The following TMEM232 variants were observed in gnomAD, a reference collection of about 807,000 sequenced individuals.
TMEM232 encodes transmembrane protein 232.
In TMEM232, 80 loss-of-function variants were observed where a neutral mutation model predicts 78.8. That is an observed-to-expected ratio of 1.01 (90% CI 0.85 to 1.22). TMEM232 has a LOEUF of 1.22. Among genes scored for constraint, TMEM232 ranks in the 50% most tolerant of loss-of-function variants. The pLI is 0.00. For missense variants in TMEM232, 881 were observed against 742.2 expected, an observed-to-expected ratio of 1.19 and a Z score of -2.17; for synonymous variants, 297 against 254.3, an observed-to-expected ratio of 1.17 and a Z score of -1.60.
intron 12 of TMEM232, among the ~76,000 whole-genome samples, chr5:110,453,904 C>T (rs555476956): frequency 6.7e-6 from 1 of 149,486 alleles, no homozygotes; most frequent in Non-Finnish European, 1.5e-5. Context: ...ATTACCAGGG[C>T]TAAAAAAGAA....
chr5:110,660,814 G>A (rs1789679134), intron 2 of TMEM232, among the ~76,000 whole-genome samples: 1 of 151,986 alleles, frequency 6.6e-6, no homozygotes, highest in African/African-American at 2.4e-5. Flanking sequence ...ATCACCTCAA[G>A]CATTTATCAT....
chr5:110,649,997 T>C (rs775506537), intron 2 of TMEM232, among the ~76,000 whole-genome samples: 7 of 152,066 alleles, frequency 4.6e-5, no homozygotes, highest in Non-Finnish European at 1.0e-4. Flanking sequence ...TGAGTTGCTT[T>C]GAAAGTTAAA....
chr5:110,507,229 T>C (rs1159714347), intron 12 of TMEM232, among the ~76,000 whole-genome samples: 1 of 152,120 alleles, frequency 6.6e-6, no homozygotes, highest in Non-Finnish European at 1.5e-5. Context: ...TTGTGTGACT[T>C]TTTAATTCTT....
intron 2 of TMEM232, among the ~76,000 whole-genome samples, chr5:110,408,835 C>T (rs1755888314): frequency 6.6e-6 from 1 of 151,944 alleles, no homozygotes; most frequent in Non-Finnish European, 1.5e-5. Flanking sequence ...TGCTATCAGC[C>T]ATCACCAAAA....
At chr5:110,601,141 T>A (rs1036357408) in intron 10 of TMEM232, among the ~76,000 whole-genome samples, 1 of 152,226 alleles carries the variant, frequency 6.6e-6, no homozygotes, top group Non-Finnish European at 1.5e-5. Context: ...AAACTGGGTA[T>A]TGATGAACAT....
intron 2 of TMEM232, among the ~76,000 whole-genome samples, chr5:110,652,638 T>C (rs1238575212): frequency 1.3e-5 from 2 of 152,210 alleles, no homozygotes; most frequent in African/African-American, 4.8e-5. Context: ...TGTTAATAAA[T>C]ATTTAGTGAG....
intron 11 of TMEM232, among the ~76,000 whole-genome samples, chr5:110,545,857 A>G (rs1315570227): frequency 1.3e-5 from 2 of 152,122 alleles, no homozygotes; most frequent in Non-Finnish European, 2.9e-5. Context: ...ATACACGATG[A>G]CTTTTCCTAG....
At chr5:110,477,384 G>A (rs914914418) in intron 12 of TMEM232, among the ~76,000 whole-genome samples, 1 of 151,816 alleles carries the variant, frequency 6.6e-6, no homozygotes, top group African/African-American at 2.4e-5. Flanking sequence ...ATTATTCAAA[G>A]TAACAAATCT....
chr5:110,726,247 G>A (rs1001150686), intron 1 of TMEM232, among the ~76,000 whole-genome samples: 3 of 151,994 alleles, frequency 2.0e-5, no homozygotes, highest in Non-Finnish European at 2.9e-5. Flanking sequence ...AACCACAGAG[G>A]ATGTGTGAAG....
At chr5:110,576,921 CTA>C (rs1777637278) in intron 10 of TMEM232, among the ~76,000 whole-genome samples, 1 of 152,016 alleles carries the variant, frequency 6.6e-6, no homozygotes, top group Admixed American at 6.6e-5. Context: ...AGACCCAAAA[CTA>C]TGAAAATCCT....
At position 110,460,217 on chromosome 5, in the gene TMEM232, G is replaced by A. The variant is rs532742890; in HGVS notation, c.1704-35301C>T. Among the ~76,000 whole-genome samples, 8 of 152,126 alleles carry A rather than the reference G, an allele frequency of 5.3e-5. No homozygotes were observed. The South Asian group carries it at 1.5e-3, about 28-fold the overall frequency. On this transcript the variant is annotated intron_variant, in intron 12 of 13. Coordinates refer to ENST00000455884, the MANE Select transcript of TMEM232 (RefSeq NM_001039763.4). ...TATAAGATAATCTTATTGGTCTGAG[G>A]AATACACTGGGGTGTTAAGGGGAAA...
chr5:110,436,369 A>G (rs1758435525), intron 12 of TMEM232, among the ~76,000 whole-genome samples: 1 of 151,912 alleles, frequency 6.6e-6, no homozygotes, highest in South Asian at 2.1e-4. Context: ...GCCGTGCCAC[A>G]TGGTAGTTTG....
At chr5:110,520,050 T>TAGAG (rs1554097433) in intron 12 of TMEM232, among the ~76,000 whole-genome samples, 80 of 147,256 alleles carry the variant, frequency 5.4e-4, no homozygotes, top group Middle Eastern at 3.5e-3. Context: ...TATATATATA[T>TAGAG]AGAGAGAGAG....
At chr5:110,586,546 G>A (rs1440164050) in intron 10 of TMEM232, among the ~76,000 whole-genome samples, 1 of 149,854 alleles carries the variant, frequency 6.7e-6, no homozygotes, top group African/African-American at 2.5e-5. Flanking sequence ...AGCATAGAAG[G>A]CATATTTCCA....
At chr5:110,679,188 G>C (rs116714807) in intron 1 of TMEM232, among the ~76,000 whole-genome samples, 1,679 of 152,240 alleles carry the variant, frequency 0.011, 32 homozygotes, top group African/African-American at 0.038. Context: ...TTGCCCGGAC[G>C]TGGTGTTGTC....
chr5:110,433,409 TA>T (rs1758072887), intron 12 of TMEM232, among the ~76,000 whole-genome samples: 1 of 151,584 alleles, frequency 6.6e-6, no homozygotes, highest in Non-Finnish European at 1.5e-5. Flanking sequence ...AAAGTAGAAA[TA>T]AAAAGTTCTT....
chr5:110,427,812 C>A (rs456740), intron 12 of TMEM232, among the ~76,000 whole-genome samples: 5,691 of 151,836 alleles, frequency 0.037, 201 homozygotes, highest in African/African-American at 0.087. Context: ...GTGTCTTCTA[C>A]TGTTCTTTTT....
chr5:110,415,619 G>A (rs1357731414), downstream of TMEM232, among the ~76,000 whole-genome samples: 1 of 151,974 alleles, frequency 6.6e-6, no homozygotes, highest in African/African-American at 2.4e-5. Context: ...GTATGCTATG[G>A]AAGAAATTCT....
At chr5:110,702,954 T>C (rs1042667433) in intron 1 of TMEM232, among the ~76,000 whole-genome samples, 1 of 152,064 alleles carries the variant, frequency 6.6e-6, no homozygotes, top group South Asian at 2.1e-4. Flanking sequence ...TAAACTACTC[T>C]GGACAATCTA....
Sources: gnomAD v4.1 joint callset for allele counts (sites outside exome capture counted in the v4.1 genomes callset) on GRCh38, gnomAD v4.1.1 for gene constraint, MANE v1.5 for transcripts, NCBI Gene and HGNC (gene_info 2026-07-23, HGNC 2026-07-21) for gene names.